The following SEMA5B variants were observed in gnomAD, a reference collection of about 807,000 sequenced individuals.
SEMA5B encodes semaphorin 5B.
In SEMA5B, 66 loss-of-function variants were observed where a neutral mutation model predicts 135.0. The observed-to-expected ratio is 0.49, with a 90% CI of 0.40 to 0.60. The LOEUF is 0.60. Among genes scored for constraint, SEMA5B ranks in the 20% least tolerant of loss-of-function variants. The pLI, the probability that SEMA5B is intolerant of heterozygous loss-of-function variation, is 0.00. For missense variants in SEMA5B, 1,501 were observed against 1,566.3 expected (o/e 0.96, Z 0.70); for synonymous variants, 690 against 639.5 (o/e 1.08, Z -1.19).
rs1938040970 is a variant in SEMA5B at position 122,915,776 on chromosome 3, A to G, written c.1803T>C (p.Cys601=). ...MSLWTQNITA[C]PVRNVTRDGG... ...GAGGACACAAGGGGATTCTCACAGG[A>G]CAGGCGGTGATGTTCTGGGTCCAGA... Residue 601 remains cysteine, a synonymous_variant, in exon 13 of 23, where the codon TGT becomes TGC. Transcript: ENST00000357599. 6.2e-7 allele frequency: 1 copy of G among 1,613,810 alleles called. No homozygotes were observed. The highest frequency in any genetic ancestry group is 8.5e-7 in the Non-Finnish European group (1 of 1,179,822).
chr3:122,998,831 T>A (rs1270061719), intron 1 of SEMA5B, among the ~76,000 whole-genome samples: 1 of 152,216 alleles, frequency 6.6e-6, no homozygotes, highest in Non-Finnish European at 1.5e-5. Context: ...AGGCCTTCAT[T>A]ATCACCTAAT....
chr3:122,924,465 T>C lies in SEMA5B; in HGVS notation c.1137-713A>G, dbSNP rs1487758172. Among the ~76,000 whole-genome samples the C allele has an allele frequency of 2.0e-5, 3 of 152,228 alleles. No individual in the cohort carries two copies. The East Asian group carries it at 5.8e-4, about 29-fold the overall frequency. ...CTCCTGGTGGTCTGCCTGCAGCCTGTCTAGTATCCTAATCCATTCTCCACA... is the reference window on the plus strand; with the variant it reads ...CTCCTGGTGGTCTGCCTGCAGCCTGCCTAGTATCCTAATCCATTCTCCACA... On this transcript the variant is annotated intron_variant, in intron 9 of 22. Coordinates refer to ENST00000357599, the MANE Select transcript of SEMA5B (RefSeq NM_001031702.4).
At chr3:123,005,719 AG>A (rs1942293876) in intron 1 of SEMA5B, among the ~76,000 whole-genome samples, 1 of 152,230 alleles carries the variant, frequency 6.6e-6, no homozygotes, top group Middle Eastern at 3.4e-3. Flanking sequence ...GGTTGGCCTG[AG>A]GGGGTCATTT....
chr3:122,969,777 G>C (rs1015301842), intron 1 of SEMA5B, among the ~76,000 whole-genome samples: 1 of 152,174 alleles, frequency 6.6e-6, no homozygotes, highest in Non-Finnish European at 1.5e-5. Flanking sequence ...CAACAGCGGG[G>C]GTGGCAGAGA....
At chr3:122,911,188 G>C (rs1937679924) in intron 21 of SEMA5B, 143 bp from the exon 22 acceptor site, 1 of 984,810 alleles carries the variant, frequency 1.0e-6, no homozygotes, top group African/African-American at 1.6e-5. Context: ...AAGGAAACAG[G>C]GAGGCTGGGG....
chr3:122,921,075 T>C (rs1006864512), intron 12 of SEMA5B, among the ~76,000 whole-genome samples: 14 of 152,176 alleles, frequency 9.2e-5, no homozygotes, highest in African/African-American at 3.4e-4. Context: ...CACACCCCAC[T>C]GGAGCTGAAG....
intron 1 of SEMA5B, among the ~76,000 whole-genome samples, chr3:123,017,476 G>T (rs1055063600): frequency 1.2e-4 from 18 of 152,200 alleles, no homozygotes; most frequent in Non-Finnish European, 5.9e-5. Context: ...GTTCTCTAGT[G>T]CTTCCCTAGT....
intron 5 of SEMA5B, among the ~76,000 whole-genome samples, chr3:122,934,405 C>T (rs1939145119): frequency 6.6e-6 from 1 of 152,128 alleles, no homozygotes; most frequent in South Asian, 2.1e-4. Flanking sequence ...GTTTTTAGCT[C>T]TAACAATCAA....
intron 6 of SEMA5B, among the ~76,000 whole-genome samples, 167 bp downstream of exon 6, chr3:122,928,829 C>A (rs907806164): frequency 6.6e-6 from 1 of 151,154 alleles, no homozygotes; most frequent in Non-Finnish European, 1.5e-5. Flanking sequence ...ATGCTCAGGA[C>A]CAGCTCGCCA....
intron 1 of SEMA5B, among the ~76,000 whole-genome samples, chr3:122,977,389 T>C (rs1189409819): frequency 6.6e-6 from 1 of 152,230 alleles, no homozygotes; most frequent in East Asian, 1.9e-4. Context: ...AAATATTGCA[T>C]GAGACATACT....
intron 4 of SEMA5B, 47 bp downstream of exon 4, chr3:122,943,389 C>G (rs1438521656): frequency 2.2e-6 from 3 of 1,345,290 alleles, no homozygotes; most frequent in Non-Finnish European, 2.1e-6. Flanking sequence ...CTCTACCCAG[C>G]TCCAAGCCCC....
At chr3:122,936,000 G>T (rs998603694) in intron 5 of SEMA5B, among the ~76,000 whole-genome samples, 1 of 152,064 alleles carries the variant, frequency 6.6e-6, no homozygotes, top group Admixed American at 6.5e-5. Flanking sequence ...GCCTCTATCC[G>T]CTTTCCATTG....
At chr3:122,925,960 G>C (rs1381146868) in intron 9 of SEMA5B, among the ~76,000 whole-genome samples, 1 of 152,190 alleles carries the variant, frequency 6.6e-6, no homozygotes, top group Non-Finnish European at 1.5e-5. Context: ...GCACAGTCTA[G>C]ATGGGAGGTG....
chr3:123,020,923 A>G (rs1942660637), intron 1 of SEMA5B, among the ~76,000 whole-genome samples: 1 of 152,186 alleles, frequency 6.6e-6, no homozygotes, highest in Non-Finnish European at 1.5e-5. Context: ...AAAGTGAGGA[A>G]AGTCTCACTC....
intron 1 of SEMA5B, among the ~76,000 whole-genome samples, chr3:122,972,000 G>A (rs1383454840): frequency 6.6e-6 from 1 of 152,242 alleles, no homozygotes; most frequent in African/African-American, 2.4e-5. Flanking sequence ...AGCGGAACAA[G>A]CACTCAACAA....
intron 4 of SEMA5B, among the ~76,000 whole-genome samples, chr3:122,942,827 C>A (rs144327335): frequency 3.8e-4 from 58 of 152,312 alleles, no homozygotes; most frequent in African/African-American, 1.4e-3. Flanking sequence ...ATGAGAGCTA[C>A]TGGGGTCGGC....
chr3:122,961,350 C>A (rs1940571974), intron 1 of SEMA5B, 49 bp from the exon 2 acceptor site: 2 of 1,555,964 alleles, frequency 1.3e-6, no homozygotes, highest in Non-Finnish European at 1.8e-6. Flanking sequence ...ATGAACCAGG[C>A]AAAAGAGATG....
chr3:122,987,117 G>A (rs181282979), intron 1 of SEMA5B, among the ~76,000 whole-genome samples: 128 of 152,290 alleles, frequency 8.4e-4, no homozygotes, highest in African/African-American at 3.0e-3. Flanking sequence ...TTAACCCCAT[G>A]GAGCCAGATG....
At position 122,913,575 on chromosome 3, in the gene SEMA5B, G is replaced by T; in HGVS notation, c.2239C>A (p.Arg747=). ...NCGGGMQSRR[R]ACENGNSCLG... is the part of the protein sequence containing the mutation. The stretch of plus-strand genomic sequence containing the variant: ...CAGGAGTTGCCGTTCTCGCAGGCCC[G>T]ACGCCGCGACTGCATGCCCCCTCCA... Residue 747 remains arginine, a synonymous_variant, in exon 16 of 23, where the codon CGG becomes AGG. Coordinates refer to ENST00000357599, the MANE Select transcript of SEMA5B (RefSeq NM_001031702.4). 6.2e-7 allele frequency: 1 copy of T among 1,613,058 alleles called. No individual in the cohort carries two copies. Among genetic ancestry groups the T allele is most frequent in the Non-Finnish European group, 8.5e-7 (1 of 1,179,880 alleles).
Sources: gnomAD v4.1 joint callset for allele counts (sites outside exome capture counted in the v4.1 genomes callset) on GRCh38, gnomAD v4.1.1 for gene constraint, MANE v1.5 for transcripts, NCBI Gene and HGNC (gene_info 2026-07-23, HGNC 2026-07-21) for gene names.